Variants in ZNF420 observed in about 807,000 individuals in gnomAD.
ZNF420 encodes zinc finger protein 420, also known as ATM and p53-associated KZNF protein.
ZNF420 carries 31 observed loss-of-function variants against 44.7 expected under a neutral mutation model. That is an observed-to-expected ratio of 0.69 (90% CI 0.52 to 0.94). The LOEUF is 0.94. ZNF420 is among the 40% of genes least tolerant of loss of function. The pLI, the probability that ZNF420 is intolerant of heterozygous loss-of-function variation, is 0.00. For missense variants in ZNF420, 681 were observed against 827.9 expected (o/e 0.82, Z 2.18); for synonymous variants, 245 against 267.4 (o/e 0.92, Z 0.82).
intron 1 of ZNF420, among the ~76,000 whole-genome samples, chr19:37,039,872 T>G (rs2146408678): frequency 6.6e-6 from 1 of 151,980 alleles, no homozygotes; most frequent in East Asian, 1.9e-4. Context: ...AGCTACTTTT[T>G]GATTTGTTTT....
upstream of ZNF420, among the ~76,000 whole-genome samples, chr19:37,077,727 A>G (rs536661632): frequency 4.6e-5 from 7 of 152,322 alleles, no homozygotes; most frequent in East Asian, 5.8e-4. Flanking sequence ...GCACGTTTAT[A>G]TAACACAGAT....
chr19:37,121,242 AACCAAAACAGCATGGTACTGGT>A, intron 4 of ZNF420, among the ~76,000 whole-genome samples: 1 of 147,976 alleles, frequency 6.8e-6, no homozygotes, highest in South Asian at 2.1e-4. Context: ...AGGCTACAGT[AACCAAAACAGCATGGTACTGGT>A]ACCAAAACAG....
rs190492996 is a variant in ZNF420 at position 37,081,226 on chromosome 19, T to G, written c.-81+838T>G. ...TTCCAGAGATCTTTTGTTACTGATT[T>G]CTAATTTCATTACATTGTGTTCACA... On this transcript the variant is annotated intron_variant, in intron 2 of 4. Coordinates refer to ENST00000337995, the MANE Select transcript of ZNF420 (RefSeq NM_144689.5). 1.2e-4 allele frequency among the ~76,000 whole-genome samples: 19 copies of G among 152,306 alleles called. No homozygotes were observed. In the East Asian group the frequency reaches 3.7e-3, roughly 29 times the overall value.
At chr19:37,039,356 C>T (rs117064571) in intron 1 of ZNF420, among the ~76,000 whole-genome samples, 1 of 152,264 alleles carries the variant, frequency 6.6e-6, no homozygotes, top group East Asian at 1.9e-4. Context: ...AAATGACACC[C>T]AATCCATGGG....
At chr19:37,082,426 A>G (rs1968519721) in intron 2 of ZNF420, among the ~76,000 whole-genome samples, 1 of 152,122 alleles carries the variant, frequency 6.6e-6, no homozygotes, top group Non-Finnish European at 1.5e-5. Context: ...CGGCCTCCCA[A>G]ATTTCTGGGA....
rs547950127 is a variant in ZNF420 at position 37,130,080 on chromosome 19, T to G, written c.*1022T>G. ...AAGATAGAAGTGATATTTATATGAG[T>G]AGGAGATTTACGAAATCCATTTTTC... On this transcript the variant is annotated 3_prime_UTR_variant, in exon 5 of 5. Coordinates refer to ENST00000337995, the MANE Select transcript of ZNF420 (RefSeq NM_144689.5). The G allele has an allele frequency of 6.4e-7, 1 of 1,550,392 alleles. No individual in the cohort carries two copies. Among genetic ancestry groups the G allele is most frequent in the African/African-American group, 1.4e-5 (1 of 73,132 alleles).
chr19:37,077,768 A>G (rs1968196260), upstream of ZNF420, among the ~76,000 whole-genome samples: 1 of 152,198 alleles, frequency 6.6e-6, no homozygotes, highest in Admixed American at 6.5e-5. Flanking sequence ...CCACACACAA[A>G]AAAGCAGATA....
chr19:37,063,027 T>G (rs1027528932), intron 1 of ZNF420, among the ~76,000 whole-genome samples: 1 of 152,230 alleles, frequency 6.6e-6, no homozygotes, highest in African/African-American at 2.4e-5. Flanking sequence ...TAAACATTAT[T>G]TCTAAATTAA....
At chr19:37,025,653 A>T (rs1967142442) in intron 1 of ZNF420, among the ~76,000 whole-genome samples, 1 of 152,068 alleles carries the variant, frequency 6.6e-6, no homozygotes, top group African/African-American at 2.4e-5. Flanking sequence ...AGGCACCAAG[A>T]TGTTGACATC....
intron 1 of ZNF420, among the ~76,000 whole-genome samples, chr19:37,012,762 GTCTC>G (rs751709589): frequency 0.17 from 9,637 of 56,954 alleles, 485 homozygotes; most frequent in Non-Finnish European, 0.26. Flanking sequence ...ACTGCTATAT[GTCTC>G]TGTGTGTGTG....
chr19:37,011,094 T>C (rs1479479668), intron 1 of ZNF420, among the ~76,000 whole-genome samples: 2 of 152,220 alleles, frequency 1.3e-5, no homozygotes, highest in Non-Finnish European at 2.9e-5. Context: ...GCCTCTGCTC[T>C]ATCCTCCCTC....
At chr19:37,047,820 A>G (rs372799850) in intron 1 of ZNF420, among the ~76,000 whole-genome samples, 22 of 152,304 alleles carry the variant, frequency 1.4e-4, no homozygotes, top group African/African-American at 4.8e-4. Flanking sequence ...TTCCTTTCCA[A>G]TTGTAACTGC....
chr19:37,069,006 A>G (rs1398901774), intron 1 of ZNF420, among the ~76,000 whole-genome samples: 1 of 152,196 alleles, frequency 6.6e-6, no homozygotes, highest in Non-Finnish European at 1.5e-5. Context: ...ATGGCGAGAT[A>G]TTATACATAG....
chr19:37,022,998 C>T (rs1427694367), intron 1 of ZNF420, among the ~76,000 whole-genome samples: 1 of 152,124 alleles, frequency 6.6e-6, no homozygotes, highest in Non-Finnish European at 1.5e-5. Context: ...ATTAGCCAGG[C>T]ATGGTGGTGC....
At chr19:37,030,436 C>T (rs1408958063) in intron 1 of ZNF420, among the ~76,000 whole-genome samples, 1 of 152,212 alleles carries the variant, frequency 6.6e-6, no homozygotes, top group Non-Finnish European at 1.5e-5. Flanking sequence ...GCTAGGATTA[C>T]AGGCGTGACC....
chr19:37,079,643 C>T (rs1968321865), intron 1 of ZNF420, among the ~76,000 whole-genome samples: 1 of 152,164 alleles, frequency 6.6e-6, no homozygotes, highest in South Asian at 2.1e-4. Flanking sequence ...GACATTTGGA[C>T]ACCTGAGTGA....
At position 37,091,019 on chromosome 19, in the gene ZNF420, G is replaced by A. The variant is rs1157779321; in HGVS notation, c.34G>A (p.Ala12Thr). Reference sequence around the variant, plus strand: ...GAAATTAGTGATGTTCAGGGATGTTGCCATTGACTTCTCTCAGGAAGAGTG... The same window carrying A: ...GAAATTAGTGATGTTCAGGGATGTTACCATTGACTTCTCTCAGGAAGAGTG... ...ARKLVMFRDV[A>T]IDFSQEEWEC... The change falls in exon 4 of 5, where the codon GCC becomes ACC. Residue 12 changes from alanine to threonine, a missense_variant. Physicochemically the swap from Ala to Thr is moderately conservative, Grantham distance 58 (BLOSUM62 0). Coordinates refer to ENST00000337995, the MANE Select transcript of ZNF420 (RefSeq NM_144689.5). The A allele has an allele frequency of 2.5e-6, 4 of 1,613,342 alleles. No individual in the cohort carries two copies. The Admixed American group carries it at 6.7e-5, about 27-fold the overall frequency.
At chr19:37,018,459 C>T (rs186097498) in intron 1 of ZNF420, among the ~76,000 whole-genome samples, 159 of 152,284 alleles carry the variant, frequency 1.0e-3, no homozygotes, top group African/African-American at 3.5e-3. Context: ...TAGCCAGATG[C>T]TTATCAACAA....
chr19:37,128,448 G>C lies in ZNF420; in HGVS notation c.1457G>C (p.Arg486Pro), dbSNP rs764679377. Residue 486 changes from arginine to proline, a missense_variant, in exon 5 of 5, where the codon CGT (arginine) becomes CCT (proline). Physicochemically the swap from Arg to Pro is moderately radical, Grantham distance 103. Transcript: ENST00000337995. ...AAGGAATGTGGGAAATCTTTTATTC[G>C]TGGTTCCCAGCTTACTCAACATCAG... ...ECKECGKSFIRGSQLTQHQRI... is the reference protein window; with the variant it reads ...ECKECGKSFIPGSQLTQHQRI... 1 of 1,613,964 alleles carries C rather than the reference G, an allele frequency of 6.2e-7. No homozygotes were observed. The highest frequency in any genetic ancestry group is 1.7e-5 in the Admixed American group (1 of 60,016).
Sources: gnomAD v4.1 joint callset for allele counts (sites outside exome capture counted in the v4.1 genomes callset) on GRCh38, gnomAD v4.1.1 for gene constraint, MANE v1.5 for transcripts, NCBI Gene and HGNC (gene_info 2026-07-23, HGNC 2026-07-21) for gene names.